BORCS5: variants seen among roughly 807,000 people sequenced by gnomAD.
BORCS5 encodes BLOC-1-related complex subunit 5.
Under a neutral mutation model 22.1 loss-of-function variants are expected in BORCS5, and 17 were observed. That is an observed-to-expected ratio of 0.77 (90% CI 0.53 to 1.15). The LOEUF (loss-of-function observed/expected upper bound fraction) is 1.15. Among genes scored for constraint, BORCS5 ranks in the 50% most tolerant of loss-of-function variants. The pLI is 0.00. For synonymous variants in BORCS5, 117 were observed against 99.8 expected (o/e 1.17, Z -1.03); for missense variants, 247 against 253.2 (o/e 0.98, Z 0.17).
At chr12:12,383,768 C>T (rs1223643411) in intron 2 of BORCS5, among the ~76,000 whole-genome samples, 1 of 150,790 alleles carries the variant, frequency 6.6e-6, no homozygotes, top group Admixed American at 6.6e-5. Context: ...CTTTAGCTTT[C>T]CATAGTTTGT....
intron 2 of BORCS5, among the ~76,000 whole-genome samples, chr12:12,366,063 G>A (rs536083288): frequency 6.6e-6 from 1 of 152,262 alleles, no homozygotes; most frequent in South Asian, 2.1e-4. Flanking sequence ...TGCTGCAGGG[G>A]CCAGGCATCA....
chr12:12,419,746 A>T (rs1166023560), intron 2 of BORCS5, among the ~76,000 whole-genome samples: 3 of 152,166 alleles, frequency 2.0e-5, no homozygotes, highest in Admixed American at 2.0e-4. Flanking sequence ...TCTAATTGGC[A>T]TGAGATGGTA....
intron 3 of BORCS5, among the ~76,000 whole-genome samples, chr12:12,465,248 G>A (rs139053166): frequency 1.1e-4 from 17 of 152,276 alleles, no homozygotes; most frequent in East Asian, 3.9e-4. Flanking sequence ...TCCACATCCA[G>A]AATTCCCCTC....
chr12:12,397,888 G>C (rs1941387245), intron 2 of BORCS5, among the ~76,000 whole-genome samples: 1 of 152,134 alleles, frequency 6.6e-6, no homozygotes, highest in Non-Finnish European at 1.5e-5. Context: ...ACCTAGAATG[G>C]AATTTGGGGC....
intron 2 of BORCS5, among the ~76,000 whole-genome samples, chr12:12,408,444 C>T (rs559323791): frequency 6.6e-6 from 1 of 152,276 alleles, no homozygotes; most frequent in Admixed American, 6.5e-5. Context: ...AGTATAAGTT[C>T]AGTGGTATTA....
intron 2 of BORCS5, among the ~76,000 whole-genome samples, chr12:12,433,436 T>C (rs1942481059): frequency 1.3e-5 from 2 of 151,864 alleles, no homozygotes; most frequent in Non-Finnish European, 2.9e-5. Context: ...CTTAGGAGTT[T>C]GAGGCCAGCC....
Position 12,465,572 on chromosome 12 carries a change from C to T in BORCS5, c.387C>T (p.Phe129=). The T allele has an allele frequency of 6.2e-7, 1 of 1,614,246 alleles. No homozygotes were observed. The highest frequency in any genetic ancestry group is 8.5e-7 in the Non-Finnish European group (1 of 1,180,034). Residue 129 remains phenylalanine, a synonymous_variant, in exon 4 of 4, where the codon TTC becomes TTT. Coordinates refer to ENST00000314565, the MANE Select transcript of BORCS5 (RefSeq NM_058169.6). Reference sequence around the variant, plus strand: ...TGGATCTGTCTGTAGAAACTCTGTTCAGCTTCATGCAGGAGCGCCAGAAAA... The same window carrying T: ...TGGATCTGTCTGTAGAAACTCTGTTTAGCTTCATGCAGGAGCGCCAGAAAA... ...KEMDLSVETL[F]SFMQERQKRY... is the part of the protein sequence containing the mutation.
intron 2 of BORCS5, among the ~76,000 whole-genome samples, chr12:12,400,790 T>C (rs1213397956): frequency 6.6e-6 from 1 of 152,236 alleles, no homozygotes; most frequent in Non-Finnish European, 1.5e-5. Context: ...TGATCTGATT[T>C]TGGCATTCAT....
At position 12,373,354 on chromosome 12, in the gene BORCS5, A is replaced by C. The variant is rs148669539; in HGVS notation, c.202+12005A>C. 1.8e-4 allele frequency among the ~76,000 whole-genome samples: 28 copies of C among 152,320 alleles called. No individual in the cohort carries two copies. In the East Asian group the frequency reaches 5.4e-3, roughly 29 times the overall value. ...TTGTTGTAGCAGCCTGTACCGACCA[A>C]GACACCTCCCTGGTCTGCCTCTTGG... On this transcript the variant is annotated intron_variant, in intron 2 of 3. Transcript: ENST00000314565.
chr12:12,409,039 T>TA (rs1245374274), intron 2 of BORCS5, among the ~76,000 whole-genome samples: 1 of 152,132 alleles, frequency 6.6e-6, no homozygotes, highest in African/African-American at 2.4e-5. Flanking sequence ...GGCTATGCTA[T>TA]ACCATGTTAC....
At chr12:12,396,558 C>A (rs1941352202) in intron 2 of BORCS5, among the ~76,000 whole-genome samples, 1 of 151,742 alleles carries the variant, frequency 6.6e-6, no homozygotes, top group Admixed American at 6.6e-5. Flanking sequence ...ACAGTCATGG[C>A]AAATGTCACC....
At position 12,443,851 on chromosome 12, in the gene BORCS5, T is replaced by G. The variant is rs375394484; in HGVS notation, c.360+8066T>G. On this transcript the variant is annotated intron_variant, in intron 3 of 3. Transcript: ENST00000314565. ...GTGCCAGGTTCTAGAGCCCCTGTTC[T>G]TCTCCCTCCCCTGCTCATTTCCAGT... Among the ~76,000 whole-genome samples the G allele has an allele frequency of 8.5e-5, 13 of 152,312 alleles. No individual in the cohort carries two copies. The East Asian group carries it at 1.5e-3, about 18-fold the overall frequency.
chr12:12,365,929 T>A (rs1863397426), intron 2 of BORCS5, among the ~76,000 whole-genome samples: 1 of 152,196 alleles, frequency 6.6e-6, no homozygotes, highest in African/African-American at 2.4e-5. Context: ...CACTAGGATA[T>A]ACAGGAACTA....
rs144613630 is a variant in BORCS5 at position 12,455,778 on chromosome 12, TAAAAA to T, written c.361-9756_361-9752del. Reference sequence around the variant, plus strand: ...TGGGCAACAGAGTGAGACTCGGTCTTAAAAAAAAAAAAAAAAGCAGTCTTGATTAA... The same window carrying T: ...TGGGCAACAGAGTGAGACTCGGTCTTAAAAAAAAAAAGCAGTCTTGATTAA... On this transcript the variant is annotated intron_variant, in intron 3 of 3. Coordinates refer to ENST00000314565, the MANE Select transcript of BORCS5 (RefSeq NM_058169.6). 2.1e-5 allele frequency among the ~76,000 whole-genome samples: 3 copies of T among 142,074 alleles called. No individual in the cohort carries two copies. The South Asian group carries it at 6.8e-4, about 32-fold the overall frequency. The allele number at this position is 142,074 out of a possible 152,430, so 93.2% of individuals were successfully genotyped here. A position where few individuals can be genotyped will look rare whatever the true frequency, so the allele number is the denominator to read the frequency against.
intron 2 of BORCS5, among the ~76,000 whole-genome samples, chr12:12,425,791 T>C (rs1357710426): frequency 6.6e-6 from 1 of 152,244 alleles, no homozygotes; most frequent in African/African-American, 2.4e-5. Flanking sequence ...TTCTTTGCTA[T>C]TTCCTACAGT....
chr12:12,467,098 A>T lies in BORCS5; in HGVS notation c.*1322A>T, dbSNP rs1296943265. 6.6e-6 allele frequency: 1 copy of T among 152,116 alleles called. No individual in the cohort carries two copies. The highest frequency in any genetic ancestry group is 1.5e-5 in the Non-Finnish European group (1 of 68,032). 9.4% of individuals were successfully genotyped at this position (152,116 alleles called of 1,614,324 possible). On this transcript the variant is annotated 3_prime_UTR_variant, in exon 4 of 4. Coordinates refer to ENST00000314565, the MANE Select transcript of BORCS5 (RefSeq NM_058169.6). ...TGTGTGCCACCAAATCCAGCTAATT[A>T]AAAAAAATTAATTAATTTTACATTT...
At chr12:12,419,748 G>C (rs931717721) in intron 2 of BORCS5, among the ~76,000 whole-genome samples, 18 of 152,312 alleles carry the variant, frequency 1.2e-4, no homozygotes, top group African/African-American at 3.6e-4. Context: ...TAATTGGCAT[G>C]AGATGGTATC....
chr12:12,438,382 G>GAAAAAAAAAAAAA lies in BORCS5; in HGVS notation c.360+2602_360+2603insAAAAAAAAAAAAA, dbSNP rs1565915767. Among the ~76,000 whole-genome samples, 116 of 106,950 alleles carry GAAAAAAAAAAAAA rather than the reference G, an allele frequency of 1.1e-3. 2 individuals are homozygous for GAAAAAAAAAAAAA. Among genetic ancestry groups the GAAAAAAAAAAAAA allele is most frequent in the Middle Eastern group, 4.6e-3 (1 of 218 alleles). 70.2% of individuals were successfully genotyped at this position (106,950 alleles called of 152,430 possible). The stretch of plus-strand genomic sequence containing the variant: ...TCTCAAAAAAAAAAAAAAAAAAAAC[G>GAAAAAAAAAAAAA]AAAAACAACAACAAAAACCTCTAAT... On this transcript the variant is annotated intron_variant, in intron 3 of 3. Coordinates refer to ENST00000314565, the MANE Select transcript of BORCS5 (RefSeq NM_058169.6).
chr12:12,436,357 C>A (rs1173693740), intron 3 of BORCS5, among the ~76,000 whole-genome samples: 2 of 152,172 alleles, frequency 1.3e-5, no homozygotes, highest in Non-Finnish European at 2.9e-5. Context: ...TAAACTGAAG[C>A]ACATGATGCA....
Sources: allele counts gnomAD v4.1 joint callset (sites outside exome capture counted in the v4.1 genomes callset), GRCh38; gene constraint gnomAD v4.1.1; transcripts MANE v1.5; gene names NCBI Gene and HGNC (gene_info 2026-07-23, HGNC 2026-07-21).